The following KLHL29 variants were observed in gnomAD, a reference collection of about 807,000 sequenced individuals.
The protein encoded by KLHL29 is kelch-like protein 29.
In KLHL29, 21 loss-of-function variants were observed where a neutral mutation model predicts 80.4. That is an observed-to-expected ratio of 0.26 (90% CI 0.19 to 0.38). The LOEUF is 0.38. KLHL29 is among the 10% of genes least tolerant of loss of function. KLHL29 has a pLI of 1.00. For missense variants in KLHL29, 867 were observed against 1,223.9 expected (o/e 0.71, Z 4.35); for synonymous variants, 511 against 526.8 (o/e 0.97, Z 0.41).
chr2:23,699,944 C>CAGAG (rs1388991850), intron 11 of KLHL29, among the ~76,000 whole-genome samples: 1 of 152,248 alleles, frequency 6.6e-6, no homozygotes, highest in East Asian at 1.9e-4. Context: ...TCCTGCTTCA[C>CAGAG]AGAGAAAATG....
At chr2:23,411,918 T>A (rs972060356) in intron 1 of KLHL29, among the ~76,000 whole-genome samples, 2 of 152,218 alleles carry the variant, frequency 1.3e-5, no homozygotes. Flanking sequence ...CTGACTCATG[T>A]TGTCATTGGA....
chr2:23,645,012 A>G (rs1170529361), intron 5 of KLHL29, among the ~76,000 whole-genome samples: 2 of 152,182 alleles, frequency 1.3e-5, no homozygotes, highest in Non-Finnish European at 2.9e-5. Context: ...TCGCTTCTCT[A>G]TTTACGGCCT....
chr2:23,532,921 C>T (rs765315380), intron 2 of KLHL29, among the ~76,000 whole-genome samples: 35 of 152,064 alleles, frequency 2.3e-4, no homozygotes, highest in African/African-American at 6.3e-4. Context: ...GCACGTGGGC[C>T]GAGAGGAGGA....
At chr2:23,386,592 G>A in intron 1 of KLHL29, among the ~76,000 whole-genome samples, 1 of 152,264 alleles carries the variant, frequency 6.6e-6, no homozygotes, top group African/African-American at 2.4e-5. Flanking sequence ...TGTGTAGTGT[G>A]GGAGTGTGAA....
chr2:23,525,929 G>A (rs1015856662), intron 2 of KLHL29, among the ~76,000 whole-genome samples: 35 of 152,178 alleles, frequency 2.3e-4, no homozygotes, highest in African/African-American at 7.7e-4. Context: ...GCTTCCTCCC[G>A]ATGCAACCCA....
rs1304984935 is a variant in KLHL29 at position 23,503,594 on chromosome 2, C to G, written c.-46+27927C>G. Among the ~76,000 whole-genome samples, 1 of 152,004 alleles carries G rather than the reference C, an allele frequency of 6.6e-6. No individual in the cohort carries two copies. Among genetic ancestry groups the G allele is most frequent in the Admixed American group, 6.5e-5 (1 of 15,270 alleles). ...ACGAGCCCACCGAGACTGCTGCAGC[C>G]TCGCTCATCCAGAACAGAGGCACCA... is the stretch of plus-strand genomic sequence containing the variant. On this transcript the variant is annotated intron_variant, in intron 2 of 13. Transcript: ENST00000486442. This position sits in a 1 kb window ranked among gnomAD's most constrained non-coding sequence, Gnocchi z 4.0.
At chr2:23,529,442 G>A (rs1666427757) in intron 2 of KLHL29, among the ~76,000 whole-genome samples, 1 of 152,174 alleles carries the variant, frequency 6.6e-6, no homozygotes, top group Admixed American at 6.5e-5. Context: ...ATGGATATTG[G>A]GTTCACTCCA....
At chr2:23,692,544 G>T (rs762359322) in intron 7 of KLHL29, among the ~76,000 whole-genome samples, 1 of 152,210 alleles carries the variant, frequency 6.6e-6, no homozygotes, top group Admixed American at 6.5e-5. Context: ...GGGCAGATCC[G>T]TGAGGACAGA....
chr2:23,458,478 C>G (rs953276054), intron 1 of KLHL29, among the ~76,000 whole-genome samples: 1 of 152,206 alleles, frequency 6.6e-6, no homozygotes, highest in Non-Finnish European at 1.5e-5. Context: ...CGTGCTGGCC[C>G]CTGGACTATG....
intron 2 of KLHL29, among the ~76,000 whole-genome samples, chr2:23,546,975 C>A (rs1022930003): frequency 2.6e-5 from 4 of 152,198 alleles, no homozygotes; most frequent in Admixed American, 1.3e-4. Context: ...TCTGGGAAGA[C>A]CCTGCCCAGG....
intron 2 of KLHL29, among the ~76,000 whole-genome samples, chr2:23,537,625 G>A (rs1284927328): frequency 6.6e-6 from 1 of 152,186 alleles, no homozygotes; most frequent in Non-Finnish European, 1.5e-5. Context: ...GCACAGAACT[G>A]CAGGGACTAA....
chr2:23,396,838 TG>T (rs1406724128), intron 1 of KLHL29, among the ~76,000 whole-genome samples: 24 of 152,306 alleles, frequency 1.6e-4, no homozygotes, highest in African/African-American at 5.8e-4. Flanking sequence ...TCATATGATG[TG>T]GGGAAACTGC....
chr2:23,664,202 T>G (rs1433363496), intron 5 of KLHL29, among the ~76,000 whole-genome samples: 2 of 152,158 alleles, frequency 1.3e-5, no homozygotes, highest in Non-Finnish European at 2.9e-5. Context: ...AGCTTTTTAT[T>G]GCATGTTGAA....
chr2:23,507,571 G>A (rs1653766), intron 2 of KLHL29, among the ~76,000 whole-genome samples: 56,321 of 152,014 alleles, frequency 0.37, 10,911 homozygotes, highest in Middle Eastern at 0.42. Context: ...CTCGGCAGAG[G>A]CTACATTCTT....
intron 8 of KLHL29, among the ~76,000 whole-genome samples, chr2:23,694,671 C>T (rs1356456407): frequency 6.6e-6 from 1 of 152,176 alleles, no homozygotes; most frequent in Non-Finnish European, 1.5e-5. Context: ...AAGAATAAAC[C>T]CCAGACAATT....
chr2:23,691,225 G>A (rs1478138968), intron 6 of KLHL29: 1 of 220,758 alleles, frequency 4.5e-6, no homozygotes, highest in Non-Finnish European at 9.1e-6. Context: ...CTCTGGATTG[G>A]CTGGCATCAC....
intron 1 of KLHL29, among the ~76,000 whole-genome samples, chr2:23,392,507 A>G (rs962882208): frequency 4.6e-5 from 7 of 152,222 alleles, no homozygotes; most frequent in African/African-American, 1.7e-4. Flanking sequence ...CCCCAATAAT[A>G]TAATAATAAT....
At chr2:23,484,510 C>T (rs1054075178) in intron 2 of KLHL29, among the ~76,000 whole-genome samples, 1 of 152,366 alleles carries the variant, frequency 6.6e-6, no homozygotes, top group African/African-American at 2.4e-5. Context: ...GGTACACAGG[C>T]AGGTGCTGAA....
chr2:23,635,978 G>A (rs1669596986), intron 3 of KLHL29, among the ~76,000 whole-genome samples: 1 of 152,226 alleles, frequency 6.6e-6, no homozygotes, highest in Admixed American at 6.5e-5. Flanking sequence ...CTCCCGACCA[G>A]GAGGCATGGA....
Sources: gnomAD v4.1 joint callset for allele counts (sites outside exome capture counted in the v4.1 genomes callset) on GRCh38, gnomAD v4.1.1 for gene constraint, Gnocchi (gnomAD v3.1) non-coding constraint, MANE v1.5 for transcripts, NCBI Gene and HGNC (gene_info 2026-07-23, HGNC 2026-07-21) for gene names.